Variants in DSCAM observed in about 807,000 individuals in gnomAD.
DSCAM encodes the protein DS cell adhesion molecule.
A neutral mutation model predicts 217.7 loss-of-function variants in DSCAM; 47 were observed. The observed-to-expected ratio is 0.22, with a 90% CI of 0.17 to 0.28. The LOEUF (loss-of-function observed/expected upper bound fraction) is 0.28, where lower values mean the gene tolerates loss of function less well. Among genes scored for constraint, DSCAM ranks in the 10% least tolerant of loss-of-function variants. The pLI is 1.00. For missense variants in DSCAM, 2,080 were observed against 2,618.3 expected (o/e 0.79, Z 4.49); for synonymous variants, 1,056 against 1,015.3 (o/e 1.04, Z -0.76).
At chr21:40,385,101 CT>C (rs760816732) in intron 3 of DSCAM, 2 of 152,138 alleles carry the variant, frequency 1.3e-5, no homozygotes, top group Non-Finnish European at 2.9e-5. Context: ...TACACACACA[CT>C]CCCACACATA....
Position 40,820,328 on chromosome 21 carries a change from G to C in DSCAM, c.43+26291C>G, listed in dbSNP as rs553094011. Among the ~76,000 whole-genome samples the C allele has an allele frequency of 5.7e-4, 87 of 152,246 alleles. 1 individual carries two copies. The highest frequency in any genetic ancestry group is 2.0e-3 in the African/African-American group (81 of 41,516). On this transcript the variant is annotated intron_variant, in intron 1 of 32. Coordinates refer to ENST00000400454, the MANE Select transcript of DSCAM (RefSeq NM_001389.5). The stretch of plus-strand genomic sequence containing the variant: ...CTTTGCAGGGACATGGATGAAGCTG[G>C]AAGCCATCACTCTCAGCAAACTAAC...
chr21:40,815,112 G>C (rs749108517), intron 1 of DSCAM, among the ~76,000 whole-genome samples: 1 of 152,158 alleles, frequency 6.6e-6, no homozygotes, highest in Non-Finnish European at 1.5e-5. Flanking sequence ...GGGCTGAATG[G>C]AGAGGAGAAG....
At chr21:40,074,982 T>C (rs1015711198) in intron 27 of DSCAM, 55 bp downstream of exon 27, 13 of 1,581,894 alleles carry the variant, frequency 8.2e-6, no homozygotes, top group East Asian at 4.5e-5. Flanking sequence ...ATCTCTCCCA[T>C]TGGCTGCAGA....
intron 2 of DSCAM, among the ~76,000 whole-genome samples, chr21:40,703,272 T>C (rs1381103882): frequency 3.9e-5 from 6 of 152,170 alleles, no homozygotes; most frequent in Non-Finnish European, 8.8e-5. Context: ...TCCTAGCACT[T>C]TGGGAGGCCA....
At chr21:40,324,767 T>A (rs892890561) in intron 8 of DSCAM, among the ~76,000 whole-genome samples, 9 of 152,182 alleles carry the variant, frequency 5.9e-5, no homozygotes, top group African/African-American at 2.2e-4. Flanking sequence ...CTTTTCTGCA[T>A]TTTTAATATG....
At chr21:40,769,420 T>C (rs2091425425) in intron 1 of DSCAM, among the ~76,000 whole-genome samples, 1 of 152,130 alleles carries the variant, frequency 6.6e-6, no homozygotes, top group Non-Finnish European at 1.5e-5. Flanking sequence ...CTGCATGCTG[T>C]GGCAGACACA....
chr21:40,317,284 G>A lies in DSCAM; in HGVS notation c.1784-4925C>T, dbSNP rs1462359407. Among the ~76,000 whole-genome samples the A allele has an allele frequency of 2.6e-5, 4 of 152,268 alleles. No homozygotes were observed. In the East Asian group the frequency reaches 7.7e-4, roughly 29 times the overall value. On this transcript the variant is annotated intron_variant, in intron 8 of 32. Coordinates refer to ENST00000400454, the MANE Select transcript of DSCAM (RefSeq NM_001389.5). ...TCGTTTAGCTAAATTTTAGATTACT[G>A]ACCCAGTCTGATACAGTTCTCCACA... is the stretch of plus-strand genomic sequence containing the variant.
chr21:40,393,258 G>A (rs187105010), intron 3 of DSCAM, among the ~76,000 whole-genome samples: 5 of 152,268 alleles, frequency 3.3e-5, no homozygotes, highest in African/African-American at 9.6e-5. Context: ...TCATCATCCA[G>A]GAATCTCCAG....
intron 3 of DSCAM, among the ~76,000 whole-genome samples, chr21:40,470,513 C>A (rs570815071): frequency 6.6e-6 from 1 of 152,228 alleles, no homozygotes; most frequent in African/African-American, 2.4e-5. Context: ...CATTTTGAGC[C>A]CAACACGAAG....
At chr21:40,110,295 C>T (rs979956331) in intron 20 of DSCAM, among the ~76,000 whole-genome samples, 1 of 152,204 alleles carries the variant, frequency 6.6e-6, no homozygotes, top group Non-Finnish European at 1.5e-5. Context: ...TGCTGATACC[C>T]AGGCAAACAG....
chr21:40,067,996 C>T (rs750462966), intron 27 of DSCAM, among the ~76,000 whole-genome samples: 11 of 151,970 alleles, frequency 7.2e-5, no homozygotes, highest in Non-Finnish European at 1.0e-4. Context: ...TTCAGATCAG[C>T]CTGAGATTCA....
At chr21:40,046,931 C>G (rs1033186378) in intron 30 of DSCAM, among the ~76,000 whole-genome samples, 3 of 151,942 alleles carry the variant, frequency 2.0e-5, no homozygotes, top group African/African-American at 7.2e-5. Flanking sequence ...ATTGAGATCA[C>G]CCTACTTGGA....
intron 3 of DSCAM, among the ~76,000 whole-genome samples, chr21:40,659,904 A>G (rs867172345): frequency 1.3e-5 from 2 of 152,248 alleles, no homozygotes; most frequent in South Asian, 4.1e-4. Flanking sequence ...GACCAGATGC[A>G]TTTCAAAAAT....
intron 3 of DSCAM, among the ~76,000 whole-genome samples, chr21:40,656,979 G>A (rs185063749): frequency 2.0e-5 from 3 of 152,232 alleles, no homozygotes; most frequent in Admixed American, 6.5e-5. Context: ...TGCAAGTATG[G>A]GACTTGAACC....
intron 3 of DSCAM, among the ~76,000 whole-genome samples, chr21:40,539,420 C>T (rs1161090160): frequency 1.3e-5 from 2 of 151,584 alleles, no homozygotes; most frequent in African/African-American, 4.9e-5. Flanking sequence ...GGCGTGAACC[C>T]GGGAGGCAGA....
rs753261417 is a variant in DSCAM at position 40,593,161 on chromosome 21, C to CA, written c.508+99648dup. 1.4e-4 allele frequency among the ~76,000 whole-genome samples: 21 copies of CA among 151,914 alleles called. No individual in the cohort carries two copies. The East Asian group carries it at 1.5e-3, about 11-fold the overall frequency. The stretch of plus-strand genomic sequence containing the variant: ...ATATGTTTTATATATTGGAACTTCA[C>CA]AAAAAAGGATTTTTTAATTTTTTTT... On this transcript the variant is annotated intron_variant, in intron 3 of 32. Coordinates refer to ENST00000400454, the MANE Select transcript of DSCAM (RefSeq NM_001389.5).
intron 1 of DSCAM, among the ~76,000 whole-genome samples, chr21:40,735,611 C>G (rs1569009422): frequency 6.6e-6 from 1 of 152,122 alleles, no homozygotes; most frequent in Admixed American, 6.5e-5. Context: ...TCCTTTAGCC[C>G]TCAAAGAACA....
In DSCAM at chr21:40,204,777, G is replaced by A. The variant is rs572951267; in HGVS notation, c.2357-15539C>T. 1.1e-4 allele frequency among the ~76,000 whole-genome samples: 16 copies of A among 152,324 alleles called. No homozygotes were observed. In the South Asian group the frequency reaches 2.5e-3, roughly 24 times the overall value. ...TTAATGATACAAAGAGATGGAGGTC[G>A]TATCCTAGCTTTCGAGTAAATGCCA... On this transcript the variant is annotated intron_variant, in intron 11 of 32. Transcript: ENST00000400454.
intron 3 of DSCAM, among the ~76,000 whole-genome samples, chr21:40,652,239 C>T (rs555467999): frequency 3.3e-5 from 5 of 151,690 alleles, no homozygotes; most frequent in East Asian, 3.9e-4. Context: ...ATGATCTGTG[C>T]GGCAAACCAC....
Sources: gnomAD v4.1 joint callset for allele counts (sites outside exome capture counted in the v4.1 genomes callset) on GRCh38, gnomAD v4.1.1 for gene constraint, MANE v1.5 for transcripts, NCBI Gene and HGNC (gene_info 2026-07-23, HGNC 2026-07-21) for gene names.